NPNT: variants seen among roughly 807,000 people sequenced by gnomAD.
NPNT encodes nephronectin.
Under a neutral mutation model 68.6 loss-of-function variants are expected in NPNT, and 45 were observed. The observed-to-expected ratio is 0.66, with a 90% CI of 0.52 to 0.84. The LOEUF (loss-of-function observed/expected upper bound fraction) is 0.84, where lower values mean the gene tolerates loss of function less well. NPNT is among the 40% of genes least tolerant of loss of function. NPNT has a pLI of 0.00. For missense variants in NPNT, 672 were observed against 714.8 expected (o/e 0.94, Z 0.68); for synonymous variants, 233 against 253.3 (o/e 0.92, Z 0.76).
chr4:105,923,947 T>C (rs1400842361), intron 2 of NPNT, among the ~76,000 whole-genome samples: 4 of 152,138 alleles, frequency 2.6e-5, no homozygotes, highest in Non-Finnish European at 4.4e-5. Context: ...TGTGTCAGCC[T>C]TTCTTTTGAT....
At position 105,954,701 on chromosome 4, in the gene NPNT, C is replaced by A. The variant is rs1050756238; in HGVS notation, c.1160-3770C>A. ...TCTACAGCAATTCTGATGTTTCAGT[C>A]CCCTCTCTTTTCATTCTCCAGAGCC... On this transcript the variant is annotated intron_variant, in intron 8 of 11. Transcript: ENST00000379987. 8.5e-5 allele frequency among the ~76,000 whole-genome samples: 13 copies of A among 152,284 alleles called. 1 individual carries two copies. Among genetic ancestry groups the A allele is most frequent in the Middle Eastern group, 3.4e-3 (1 of 294 alleles).
intron 8 of NPNT, among the ~76,000 whole-genome samples, chr4:105,945,214 T>C (rs999392871): frequency 2.0e-5 from 3 of 152,200 alleles, no homozygotes; most frequent in Non-Finnish European, 2.9e-5. Context: ...TTTCTTTTAA[T>C]GGAAGAGGTT....
In NPNT at chr4:105,971,268, T is replaced by C. The variant is rs1247654212; in HGVS notation, c.*2278T>C. ...CATCAGTATGATTCAGTTTCTCTTA[T>C]CAATTGGACTCTCCCAGGTTCCACA... On this transcript the variant is annotated 3_prime_UTR_variant, in exon 12 of 12. Coordinates refer to ENST00000379987, the MANE Select transcript of NPNT (RefSeq NM_001033047.3). 1 of 408,676 alleles carries C rather than the reference T, an allele frequency of 2.4e-6. No homozygotes were observed. Among genetic ancestry groups the C allele is most frequent in the African/African-American group, 2.1e-5 (1 of 48,340 alleles). 25.3% of individuals were successfully genotyped at this position (408,676 alleles called of 1,614,324 possible). A position where few individuals can be genotyped will look rare whatever the true frequency, so the allele number is the denominator to read the frequency against.
intron 10 of NPNT, among the ~76,000 whole-genome samples, chr4:105,966,615 T>C (rs551400895): frequency 1.2e-4 from 18 of 152,160 alleles, no homozygotes; most frequent in Admixed American, 5.9e-4. Context: ...TTTACACCAG[T>C]GTGAGAAGCT....
At chr4:105,898,312 GTCTCTCTCTCTCTCTGTC>G (rs1726069072) in intron 2 of NPNT, among the ~76,000 whole-genome samples, 58 of 39,228 alleles carry the variant, frequency 1.5e-3, no homozygotes, top group Non-Finnish European at 2.4e-3. Context: ...CTCTCTCTCT[GTCTCTCTCTCTCTCTGTC>G]TCTCTCTCTC....
intron 2 of NPNT, among the ~76,000 whole-genome samples, chr4:105,916,370 C>T (rs1005325523): frequency 2.6e-5 from 4 of 152,006 alleles, no homozygotes; most frequent in Non-Finnish European, 5.9e-5. Flanking sequence ...TAGGCATACA[C>T]CACCATGCCC....
chr4:105,962,765 TTATAACCCAGC>T (rs1731819877), intron 10 of NPNT, among the ~76,000 whole-genome samples: 9 of 152,082 alleles, frequency 5.9e-5, no homozygotes, highest in South Asian at 4.1e-4. Flanking sequence ...GTTGAGAGAA[TTATAACCCAGC>T]ACTGATGGGA....
intron 3 of NPNT, among the ~76,000 whole-genome samples, chr4:105,932,170 A>G (rs867418145): frequency 1.3e-4 from 20 of 151,920 alleles, no homozygotes; most frequent in African/African-American, 4.8e-4. Flanking sequence ...TTAAACTACT[A>G]TTGTACAACG....
chr4:105,898,314 C>CTCTCTCTCTCTCTG (rs1560881673), intron 2 of NPNT, among the ~76,000 whole-genome samples: 2 of 127,570 alleles, frequency 1.6e-5, no homozygotes, highest in African/African-American at 3.8e-5. Context: ...CTCTCTCTGT[C>CTCTCTCTCTCTCTG]TCTCTCTCTC....
At chr4:105,957,931 T>C (rs557767062) in intron 8 of NPNT, among the ~76,000 whole-genome samples, 1 of 152,274 alleles carries the variant, frequency 6.6e-6, no homozygotes, top group African/African-American at 2.4e-5. Flanking sequence ...AAGTTTGAGT[T>C]TGATCTTAAA....
intron 8 of NPNT, among the ~76,000 whole-genome samples, chr4:105,950,690 C>T (rs1015080875): frequency 2.0e-5 from 3 of 152,114 alleles, no homozygotes; most frequent in African/African-American, 4.8e-5. Context: ...ATTCAACCAG[C>T]GGTGAGCTGG....
intron 2 of NPNT, among the ~76,000 whole-genome samples, chr4:105,926,225 T>G (rs1728667655): frequency 6.6e-6 from 1 of 152,224 alleles, no homozygotes; most frequent in South Asian, 2.1e-4. Flanking sequence ...GATTTCATAT[T>G]GCTGATAAAT....
chr4:105,954,690 G>T (rs1304130334), intron 8 of NPNT, among the ~76,000 whole-genome samples: 1 of 152,122 alleles, frequency 6.6e-6, no homozygotes, highest in Non-Finnish European at 1.5e-5. Context: ...CAGCAATTCT[G>T]ATGTTTCAGT....
Position 105,910,998 on chromosome 4 carries a change from T to C in NPNT, c.172+12997T>C, listed in dbSNP as rs138955892. ...TGACTCAAAATTGGCAATTAAAGAA[T>C]ATTAAAGAAACGGTATCCTTTTATA... On this transcript the variant is annotated intron_variant, in intron 2 of 11. Transcript: ENST00000379987. Among the ~76,000 whole-genome samples, 109 of 152,250 alleles carry C rather than the reference T, an allele frequency of 7.2e-4. No individual in the cohort carries two copies. In the Middle Eastern group the frequency reaches 0.01, roughly 14 times the overall value.
At chr4:105,905,344 A>G (rs1726802630) in intron 2 of NPNT, among the ~76,000 whole-genome samples, 1 of 152,208 alleles carries the variant, frequency 6.6e-6, no homozygotes, top group South Asian at 2.1e-4. Context: ...TAAAAGACAC[A>G]TACTAAGAGC....
chr4:105,968,155 T>C (rs966663447), intron 11 of NPNT, among the ~76,000 whole-genome samples: 1 of 152,234 alleles, frequency 6.6e-6, no homozygotes, highest in African/African-American at 2.4e-5. Flanking sequence ...TATGCCTGTA[T>C]GTAGGTATAG....
intron 2 of NPNT, among the ~76,000 whole-genome samples, chr4:105,918,543 A>T (rs1019867359): frequency 6.6e-6 from 1 of 152,090 alleles, no homozygotes. Context: ...TTTTGAAAGA[A>T]TTTTTTCTAG....
At chr4:105,918,391 C>T (rs907841322) in intron 2 of NPNT, among the ~76,000 whole-genome samples, 1 of 152,008 alleles carries the variant, frequency 6.6e-6, no homozygotes, top group Non-Finnish European at 1.5e-5. Context: ...TTTAGCAAAC[C>T]TGCTCAAAAT....
chr4:105,961,243 C>T (rs1344443154), intron 10 of NPNT, among the ~76,000 whole-genome samples: 1 of 152,212 alleles, frequency 6.6e-6, no homozygotes, highest in African/African-American at 2.4e-5. Context: ...GACTGTACCA[C>T]AGGCTGGCCT....
Sources: allele counts gnomAD v4.1 joint callset (sites outside exome capture counted in the v4.1 genomes callset), GRCh38; gene constraint gnomAD v4.1.1; transcripts MANE v1.5; gene names NCBI Gene and HGNC (gene_info 2026-07-23, HGNC 2026-07-21).